The following MAGI1 variants were observed in gnomAD, a reference collection of about 807,000 sequenced individuals.
MAGI1 encodes membrane-associated guanylate kinase, WW and PDZ domain-containing protein 1.
A neutral mutation model predicts 139.9 loss-of-function variants in MAGI1; 58 were observed. The ratio of observed to expected loss-of-function variants is 0.41; its 90% CI spans 0.34 to 0.52. The LOEUF (loss-of-function observed/expected upper bound fraction) is 0.52, where lower values mean the gene tolerates loss of function less well. Among genes scored for constraint, MAGI1 ranks in the 20% least tolerant of loss-of-function variants. MAGI1 has a pLI of 0.12. For synonymous variants in MAGI1, 812 were observed against 737.9 expected (o/e 1.10, Z -1.63); for missense variants, 1,874 against 1,901.6 (o/e 0.99, Z 0.27).
chr3:65,914,192 A>G (rs556793217), intron 1 of MAGI1: 1 of 152,322 alleles, frequency 6.6e-6, no homozygotes, highest in Admixed American at 6.5e-5. Flanking sequence ...GTCAGCATAC[A>G]TACTCAGCCA....
At chr3:65,742,335 C>T (rs1282959975) in intron 1 of MAGI1, among the ~76,000 whole-genome samples, 2 of 152,142 alleles carry the variant, frequency 1.3e-5, no homozygotes, top group African/African-American at 4.8e-5. Flanking sequence ...ACAATGAATG[C>T]ATCTTTTTCC....
intron 1 of MAGI1, among the ~76,000 whole-genome samples, chr3:65,792,057 A>AT (rs1233003972): frequency 2.0e-5 from 3 of 151,270 alleles, no homozygotes; most frequent in Non-Finnish European, 4.4e-5. Flanking sequence ...CATACTTCTG[A>AT]TAAAAAAATC....
At chr3:65,784,886 T>C (rs1055851400) in intron 1 of MAGI1, among the ~76,000 whole-genome samples, 2 of 152,114 alleles carry the variant, frequency 1.3e-5, no homozygotes, top group African/African-American at 4.8e-5. Context: ...CAATGCCCTT[T>C]AGATGAAATG....
chr3:65,943,619 T>C (rs1030169570), intron 1 of MAGI1, among the ~76,000 whole-genome samples: 3 of 151,952 alleles, frequency 2.0e-5, no homozygotes, highest in African/African-American at 7.3e-5. Flanking sequence ...CTATATGTGA[T>C]GCACTAATTG....
intron 13 of MAGI1, among the ~76,000 whole-genome samples, chr3:65,394,650 C>G (rs766895287): frequency 3.3e-5 from 5 of 150,828 alleles, no homozygotes; most frequent in Non-Finnish European, 5.9e-5. Context: ...TTTTTTAAAA[C>G]TATGCTGTGG....
intron 1 of MAGI1, among the ~76,000 whole-genome samples, chr3:66,018,125 G>GGGGGGGGT (rs1397856055): frequency 7.4e-6 from 1 of 135,874 alleles, no homozygotes; most frequent in African/African-American, 2.7e-5. Flanking sequence ...GGGGGGGGGG[G>GGGGGGGGT]TGTCTGCACA....
intron 2 of MAGI1, among the ~76,000 whole-genome samples, chr3:65,508,915 G>C (rs1005104763): frequency 6.6e-6 from 1 of 152,214 alleles, no homozygotes; most frequent in South Asian, 2.1e-4. Context: ...GGCAAAGAGA[G>C]GGCAGAGGCA....
At chr3:65,681,208 T>C (rs1026397013) in intron 1 of MAGI1, among the ~76,000 whole-genome samples, 4 of 152,238 alleles carry the variant, frequency 2.6e-5, no homozygotes, top group African/African-American at 9.6e-5. Flanking sequence ...CTTCATTATT[T>C]ATAACACCAA....
In MAGI1 at chr3:65,583,406, A is replaced by G. The variant is rs548638356; in HGVS notation, c.430+38566T>C. ...CAGTGGGAGAGGGCTGCTAACCAGGATAGAGTTACCCTGTCTCTCAGAGTC... is the reference window on the plus strand; with the variant it reads ...CAGTGGGAGAGGGCTGCTAACCAGGGTAGAGTTACCCTGTCTCTCAGAGTC... On this transcript the variant is annotated intron_variant, in intron 2 of 22. Coordinates refer to ENST00000402939, the MANE Select transcript of MAGI1 (RefSeq NM_001033057.2). Among the ~76,000 whole-genome samples the G allele has an allele frequency of 2.0e-5, 3 of 152,288 alleles. No homozygotes were observed. The South Asian group carries it at 6.2e-4, about 32-fold the overall frequency.
chr3:65,819,933 G>T (rs2041850043), intron 1 of MAGI1, among the ~76,000 whole-genome samples: 1 of 132,998 alleles, frequency 7.5e-6, no homozygotes, highest in Non-Finnish European at 1.6e-5. Flanking sequence ...TAGGTCAACA[G>T]AAACTATCAA....
At position 65,356,388 on chromosome 3, in the gene MAGI1, A is replaced by AG. The variant is rs1436836296; in HGVS notation, c.4378dup (p.Leu1460ProfsTer7). ...ATGTGACTCAGCGTCTCAGATACTGAGGTCGGTGCTACATTCTTTGTAAGG... is the reference window on the plus strand; with the variant it reads ...ATGTGACTCAGCGTCTCAGATACTGAGGGTCGGTGCTACATTCTTTGTAAGG... On this transcript the variant is annotated frameshift_variant, in exon 23 of 23. Transcript: ENST00000402939. LOFTEE classifies it high-confidence loss of function. 1 of 1,585,026 alleles carries AG rather than the reference A, an allele frequency of 6.3e-7. No homozygotes were observed. Among genetic ancestry groups the AG allele is most frequent in the African/African-American group, 1.4e-5 (1 of 73,434 alleles).
At chr3:65,524,527 G>A (rs535489663) in intron 2 of MAGI1, among the ~76,000 whole-genome samples, 15 of 152,264 alleles carry the variant, frequency 9.9e-5, no homozygotes, top group Middle Eastern at 3.4e-3. Context: ...AAATATGGAA[G>A]GGTTTCAGTG....
chr3:65,410,709 C>T (rs1036401542), intron 12 of MAGI1, among the ~76,000 whole-genome samples: 9 of 152,096 alleles, frequency 5.9e-5, no homozygotes, highest in African/African-American at 2.2e-4. Flanking sequence ...CACAGTCAAT[C>T]AATTTCTTAA....
intron 13 of MAGI1, 99 bp downstream of exon 13, chr3:65,401,340 C>T: frequency 6.9e-7 from 1 of 1,442,188 alleles, no homozygotes; most frequent in East Asian, 2.5e-5. Flanking sequence ...CTGTAAAACA[C>T]ATTTAGTGAA....
intron 1 of MAGI1, among the ~76,000 whole-genome samples, chr3:65,968,611 TA>T (rs2064873255): frequency 1.3e-5 from 2 of 151,252 alleles, no homozygotes; most frequent in African/African-American, 2.4e-5. Context: ...ATATATATTA[TA>T]TTTTTTTAAA....
intron 1 of MAGI1, among the ~76,000 whole-genome samples, chr3:65,645,528 C>T (rs1410743056): frequency 2.0e-5 from 3 of 151,974 alleles, no homozygotes; most frequent in Non-Finnish European, 4.4e-5. Context: ...TAAACCTATC[C>T]TAAAAAGATG....
intron 1 of MAGI1, among the ~76,000 whole-genome samples, chr3:65,714,389 C>A (rs1388587923): frequency 1.3e-5 from 2 of 151,990 alleles, no homozygotes; most frequent in African/African-American, 4.8e-5. Context: ...GCTTGCAGTA[C>A]AAGAGGCAGA....
chr3:65,371,555 C>A (rs1055455139), intron 18 of MAGI1, among the ~76,000 whole-genome samples: 21 of 152,206 alleles, frequency 1.4e-4, no homozygotes, highest in Admixed American at 6.5e-4. Context: ...GCTGTGGCAA[C>A]CTCTTAAAAT....
intron 1 of MAGI1, among the ~76,000 whole-genome samples, chr3:66,027,299 A>T (rs1184145070): frequency 6.6e-6 from 1 of 150,488 alleles, no homozygotes; most frequent in African/African-American, 2.4e-5. Context: ...TAAATAAATA[A>T]ATAAATAAAT....
Sources: gnomAD v4.1 joint callset for allele counts (sites outside exome capture counted in the v4.1 genomes callset) on GRCh38, gnomAD v4.1.1 for gene constraint, MANE v1.5 for transcripts, NCBI Gene and HGNC (gene_info 2026-07-23, HGNC 2026-07-21) for gene names.